The following SMG6 variants were observed in gnomAD, a reference collection of about 807,000 sequenced individuals.
SMG6 encodes telomerase-binding protein EST1A.
Under a neutral mutation model 142.2 loss-of-function variants are expected in SMG6, and 66 were observed. That is an observed-to-expected ratio of 0.46 (90% confidence interval 0.38 to 0.57). SMG6 has a LOEUF of 0.57. Ranked by LOEUF, SMG6 falls within the 20% of genes least tolerant of loss-of-function variation. The pLI is 0.00. For missense variants in SMG6, 1,793 were observed against 1,832.0 expected, an observed-to-expected ratio of 0.98 and a Z score of 0.39; for synonymous variants, 779 against 702.4, an observed-to-expected ratio of 1.11 and a Z score of -1.72.
chr17:2,090,366 G>A (rs543657675), intron 13 of SMG6, among the ~76,000 whole-genome samples: 2 of 151,958 alleles, frequency 1.3e-5, no homozygotes, highest in Non-Finnish European at 2.9e-5. Flanking sequence ...AAGAGAGAAC[G>A]GGAACTAAGC....
intron 8 of SMG6, among the ~76,000 whole-genome samples, chr17:2,250,288 G>T (rs918745337): frequency 1.3e-5 from 2 of 152,114 alleles, no homozygotes; most frequent in African/African-American, 2.4e-5. Flanking sequence ...GGACAGTAAG[G>T]GTAGTCAGTA....
chr17:2,145,537 G>T (rs990829654), intron 13 of SMG6, among the ~76,000 whole-genome samples: 3 of 150,278 alleles, frequency 2.0e-5, no homozygotes, highest in Non-Finnish European at 4.4e-5. Flanking sequence ...CATGTAGGGT[G>T]GGCGCAGTGG....
chr17:2,195,444 C>T (rs2072294801), intron 10 of SMG6, among the ~76,000 whole-genome samples: 1 of 152,148 alleles, frequency 6.6e-6, no homozygotes, highest in Non-Finnish European at 1.5e-5. Flanking sequence ...ACAAGCAATA[C>T]CTTGTCCTGG....
chr17:2,107,273 C>G (rs902898299), intron 13 of SMG6, among the ~76,000 whole-genome samples: 3 of 152,074 alleles, frequency 2.0e-5, no homozygotes, highest in African/African-American at 7.2e-5. Flanking sequence ...CTCGGGAGTT[C>G]ATGAAGAGGT....
chr17:2,297,785 T>C (rs2075176071), intron 3 of SMG6, 78 bp downstream of exon 3: 8 of 1,481,548 alleles, frequency 5.4e-6, no homozygotes, highest in Non-Finnish European at 6.4e-6. Flanking sequence ...TAAAACATAG[T>C]ATTTCAGGTA....
chr17:2,292,771 T>C (rs572988665), intron 5 of SMG6, 100 bp downstream of exon 5: 16 of 1,380,612 alleles, frequency 1.2e-5, no homozygotes, highest in African/African-American at 2.8e-5. Context: ...CAGGGACCAA[T>C]AGGGACACCT....
At chr17:2,270,883 G>T (rs2074528606) in intron 8 of SMG6, among the ~76,000 whole-genome samples, 1 of 152,156 alleles carries the variant, frequency 6.6e-6, no homozygotes, top group Admixed American at 6.5e-5. Context: ...ACAATAATTG[G>T]TCTATCAGAT....
chr17:2,099,050 T>G (rs887916201), intron 13 of SMG6, among the ~76,000 whole-genome samples: 16 of 152,250 alleles, frequency 1.1e-4, no homozygotes, highest in African/African-American at 3.6e-4. Flanking sequence ...GTGTGTGTGT[T>G]TGTGTGTGTG....
At chr17:2,089,178 T>G (rs1597367566) in intron 13 of SMG6, among the ~76,000 whole-genome samples, 1 of 152,162 alleles carries the variant, frequency 6.6e-6, no homozygotes, top group African/African-American at 2.4e-5. Flanking sequence ...AGCACATTTT[T>G]CCACTCTATA....
At chr17:2,275,867 C>G (rs2074637197) in intron 8 of SMG6, among the ~76,000 whole-genome samples, 1 of 152,098 alleles carries the variant, frequency 6.6e-6, no homozygotes, top group Admixed American at 6.6e-5. Flanking sequence ...TCAACCCAAA[C>G]CACATCTCAA....
chr17:2,152,519 G>A (rs924202147), intron 13 of SMG6, among the ~76,000 whole-genome samples: 3 of 152,140 alleles, frequency 2.0e-5, no homozygotes, highest in Admixed American at 6.6e-5. Context: ...AAAATAATCC[G>A]ATTTAACAAT....
At chr17:2,245,492 C>A (rs2073909144) in intron 8 of SMG6, among the ~76,000 whole-genome samples, 1 of 152,196 alleles carries the variant, frequency 6.6e-6, no homozygotes, top group African/African-American at 2.4e-5. Context: ...TCAAGCAATT[C>A]TCGTGTCTCA....
At chr17:2,099,145 C>T (rs2068939087) in intron 13 of SMG6, among the ~76,000 whole-genome samples, 1 of 152,096 alleles carries the variant, frequency 6.6e-6, no homozygotes, top group Non-Finnish European at 1.5e-5. Flanking sequence ...GGTCAGATGG[C>T]AGCCTCAGGA....
At chr17:2,257,810 G>A (rs1326426158) in intron 8 of SMG6, among the ~76,000 whole-genome samples, 6 of 151,582 alleles carry the variant, frequency 4.0e-5, no homozygotes, top group East Asian at 3.9e-4. Flanking sequence ...TCAAGAGCTC[G>A]AGACCAGCCT....
At chr17:2,113,766 C>T (rs1429570233) in intron 13 of SMG6, among the ~76,000 whole-genome samples, 2 of 152,132 alleles carry the variant, frequency 1.3e-5, no homozygotes, top group Non-Finnish European at 2.9e-5. Flanking sequence ...TGAGACCCAA[C>T]ACAGAAAGAC....
intron 18 of SMG6, among the ~76,000 whole-genome samples, chr17:2,063,908 G>A (rs1567564878): frequency 6.6e-6 from 1 of 152,192 alleles, no homozygotes; most frequent in Non-Finnish European, 1.5e-5. Flanking sequence ...CCTCTGTTTG[G>A]CTCAGCCAGG....
At chr17:2,244,564 C>T in intron 9 of SMG6, 94 bp downstream of exon 9, 1 of 912,844 alleles carries the variant, frequency 1.1e-6, no homozygotes. Context: ...ACACCCTGTG[C>T]CCTCAGTTAC....
intron 15 of SMG6, chr17:2,072,720 G>C (rs1160901433): frequency 2.6e-5 from 4 of 152,226 alleles, no homozygotes; most frequent in African/African-American, 9.7e-5. Flanking sequence ...GACCAGGAGA[G>C]GGCCTTCTGA....
intron 13 of SMG6, among the ~76,000 whole-genome samples, chr17:2,160,046 G>A (rs529906998): frequency 1.3e-5 from 2 of 152,114 alleles, no homozygotes; most frequent in African/African-American, 4.8e-5. Flanking sequence ...AACATTTTGT[G>A]GAGAAGGAAA....
Sources: gnomAD v4.1 joint callset for allele counts (sites outside exome capture counted in the v4.1 genomes callset) on GRCh38, gnomAD v4.1.1 for gene constraint, MANE v1.5 for transcripts, NCBI Gene and HGNC (gene_info 2026-07-23, HGNC 2026-07-21) for gene names.